The following RARB variants were observed in gnomAD, a reference collection of about 807,000 sequenced individuals.
The protein encoded by RARB is HBV-activated protein.
In RARB, 17 loss-of-function variants were observed where a neutral mutation model predicts 51.9. That is an observed-to-expected ratio of 0.33 (90% confidence interval 0.22 to 0.49). The LOEUF is 0.49. RARB is among the 20% of genes least tolerant of loss of function. The pLI is 0.99. For synonymous variants in RARB, 215 were observed against 195.4 expected, an observed-to-expected ratio of 1.10 and a Z score of -0.84; for missense variants, 369 against 550.8, an observed-to-expected ratio of 0.67 and a Z score of 3.30.
chr3:25,007,779 T>G (rs1335841903), intron 2 of RARB, among the ~76,000 whole-genome samples: 1 of 151,944 alleles, frequency 6.6e-6, no homozygotes, highest in Non-Finnish European at 1.5e-5. Context: ...TAATCTTCAT[T>G]TTCAATTGCA....
intron 1 of RARB, among the ~76,000 whole-genome samples, chr3:25,440,585 A>G (rs1708626865): frequency 6.6e-6 from 1 of 152,158 alleles, no homozygotes; most frequent in Admixed American, 6.5e-5. Context: ...AGACTGGTCA[A>G]TGTGGTGAAA....
intron 2 of RARB, among the ~76,000 whole-genome samples, chr3:25,463,620 G>C (rs968659980): frequency 2.7e-5 from 4 of 150,648 alleles, no homozygotes; most frequent in Non-Finnish European, 5.9e-5. Context: ...CCGAGATCGC[G>C]CCACTGGACT....
In RARB at chr3:25,301,117, AT is replaced by A. The variant is rs1372620941; in HGVS notation, c.178+126551del. ...TTCGGATTTATGGCAGTTTGACTTA[AT>A]TTTTTTTTACTTTATGATGGGGTTA... On this transcript the variant is annotated intron_variant, in intron 5 of 11. Transcript: ENST00000383772. Among the ~76,000 whole-genome samples the A allele has an allele frequency of 1.1e-4, 17 of 151,768 alleles. 1 individual carries two copies. Among genetic ancestry groups the A allele is most frequent in the Admixed American group, 7.2e-4 (11 of 15,242 alleles).
At chr3:25,149,442 G>A (rs1700246854) in intron 4 of RARB, among the ~76,000 whole-genome samples, 1 of 152,236 alleles carries the variant, frequency 6.6e-6, no homozygotes, top group Non-Finnish European at 1.5e-5. Context: ...CAGAAAATGT[G>A]ATTGTGGGTG....
chr3:25,432,549 C>T (rs1485341624), intron 1 of RARB, among the ~76,000 whole-genome samples: 1 of 152,130 alleles, frequency 6.6e-6, no homozygotes, highest in African/African-American at 2.4e-5. Context: ...TTTCTAGAAG[C>T]CTGGCGCTGA....
At chr3:25,442,255 C>T (rs1708728369) in intron 1 of RARB, among the ~76,000 whole-genome samples, 1 of 152,076 alleles carries the variant, frequency 6.6e-6, no homozygotes, top group South Asian at 2.1e-4. Context: ...CCTGCTTCAG[C>T]CTCCTGAGTA....
chr3:25,354,129 C>T (rs2125459203), intron 5 of RARB, among the ~76,000 whole-genome samples: 1 of 149,344 alleles, frequency 6.7e-6, no homozygotes, highest in South Asian at 2.1e-4. Context: ...ACATAGTTTC[C>T]TTTCCCAGAA....
chr3:25,540,220 C>T (rs932268092), intron 3 of RARB, among the ~76,000 whole-genome samples: 4 of 152,124 alleles, frequency 2.6e-5, no homozygotes, highest in Admixed American at 6.6e-5. Flanking sequence ...ATCCAGCCAG[C>T]GAGACCATGG....
chr3:24,956,316 T>C (rs1696012887), intron 2 of RARB, among the ~76,000 whole-genome samples: 1 of 152,202 alleles, frequency 6.6e-6, no homozygotes, highest in Non-Finnish European at 1.5e-5. Flanking sequence ...TATAATAATA[T>C]CTTCATCATG....
chr3:25,580,345 G>A (rs924163315), intron 4 of RARB, among the ~76,000 whole-genome samples: 1 of 152,234 alleles, frequency 6.6e-6, no homozygotes, highest in African/African-American at 2.4e-5. Flanking sequence ...CTGCACTCCA[G>A]CCTGGGTGAC....
At chr3:25,340,271 G>A (rs1030864483) in intron 5 of RARB, among the ~76,000 whole-genome samples, 1 of 152,098 alleles carries the variant, frequency 6.6e-6, no homozygotes, top group African/African-American at 2.4e-5. Context: ...TCATCATGTT[G>A]TTTTAATAAT....
chr3:25,358,189 C>T (rs982034730), intron 5 of RARB, among the ~76,000 whole-genome samples: 7 of 152,090 alleles, frequency 4.6e-5, no homozygotes, highest in Non-Finnish European at 7.4e-5. Flanking sequence ...TTGAAGAGGT[C>T]CTTCACATCC....
At chr3:25,166,090 C>A (rs1443010309) in intron 4 of RARB, among the ~76,000 whole-genome samples, 2 of 152,028 alleles carry the variant, frequency 1.3e-5, no homozygotes, top group African/African-American at 4.8e-5. Flanking sequence ...CCTTTGACTG[C>A]ATTATTTCCT....
chr3:25,243,142 T>C (rs948685026), intron 5 of RARB, among the ~76,000 whole-genome samples: 1 of 151,942 alleles, frequency 6.6e-6, no homozygotes, highest in Non-Finnish European at 1.5e-5. Flanking sequence ...TGCTTGTGAT[T>C]TTTGCAGATC....
At chr3:24,877,641 G>A (rs1415969296) in intron 2 of RARB, among the ~76,000 whole-genome samples, 2 of 152,108 alleles carry the variant, frequency 1.3e-5, no homozygotes, top group East Asian at 3.9e-4. Flanking sequence ...CCTACATGCT[G>A]AAGAGGGAGA....
At chr3:25,137,783 T>C (rs896521311) in intron 4 of RARB, among the ~76,000 whole-genome samples, 2 of 152,100 alleles carry the variant, frequency 1.3e-5, no homozygotes, top group African/African-American at 2.4e-5. Flanking sequence ...CTATAAGGAA[T>C]GTTAGCCAGA....
At chr3:25,530,905 T>C (rs1319201464) in intron 3 of RARB, among the ~76,000 whole-genome samples, 2 of 152,218 alleles carry the variant, frequency 1.3e-5, no homozygotes, top group African/African-American at 4.8e-5. Context: ...CAAATGCCAC[T>C]TCCTGGTTTC....
intron 4 of RARB, among the ~76,000 whole-genome samples, chr3:25,575,599 C>T (rs1700893477): frequency 6.6e-6 from 1 of 152,158 alleles, no homozygotes; most frequent in Admixed American, 6.5e-5. Flanking sequence ...CACCAATCCT[C>T]CGTCTTCTCA....
chr3:25,132,274 T>C (rs1315517052), intron 4 of RARB, among the ~76,000 whole-genome samples: 1 of 151,892 alleles, frequency 6.6e-6, no homozygotes, highest in Non-Finnish European at 1.5e-5. Flanking sequence ...ATAGCAGCAA[T>C]TGCTATTATA....
Sources: allele counts gnomAD v4.1 joint callset (sites outside exome capture counted in the v4.1 genomes callset), GRCh38; gene constraint gnomAD v4.1.1; transcripts MANE v1.5; gene names NCBI Gene and HGNC (gene_info 2026-07-23, HGNC 2026-07-21).